Variants in DLGAP2 observed in about 807,000 individuals in gnomAD.
DLGAP2 encodes DLG associated protein 2.
DLGAP2 carries 26 observed loss-of-function variants against 100.3 expected under a neutral mutation model. That is an observed-to-expected ratio of 0.26 (90% CI 0.19 to 0.36). The LOEUF (loss-of-function observed/expected upper bound fraction) is 0.36, where lower values mean the gene tolerates loss of function less well. Among genes scored for constraint, DLGAP2 ranks in the 10% least tolerant of loss-of-function variants. The pLI is 1.00. For synonymous variants in DLGAP2, 886 were observed against 630.1 expected (o/e 1.41, Z -6.08); for missense variants, 1,858 against 1,453.2 (o/e 1.28, Z -4.53).
intron 3 of DLGAP2, among the ~76,000 whole-genome samples, chr8:1,377,088 G>T (rs1179773808): frequency 1.3e-5 from 2 of 152,240 alleles, no homozygotes; most frequent in Non-Finnish European, 2.9e-5. Context: ...TGCCACTTCT[G>T]CAGGGAGCTT....
At chr8:1,253,511 C>A (rs1038203800) in intron 2 of DLGAP2, among the ~76,000 whole-genome samples, 2 of 152,230 alleles carry the variant, frequency 1.3e-5, no homozygotes, top group African/African-American at 4.8e-5. Flanking sequence ...ATAAAATGCT[C>A]TATGAATTTA....
chr8:1,117,733 C>G (rs1014270430), intron 2 of DLGAP2, among the ~76,000 whole-genome samples: 3 of 152,182 alleles, frequency 2.0e-5, no homozygotes, highest in Non-Finnish European at 4.4e-5. Flanking sequence ...GACCAGGACT[C>G]TTTGTAAGAC....
intron 1 of DLGAP2, among the ~76,000 whole-genome samples, chr8:885,890 G>A (rs1335049322): frequency 6.6e-6 from 1 of 152,132 alleles, no homozygotes; most frequent in Non-Finnish European, 1.5e-5. Context: ...TCCTGGTTTT[G>A]GTATCAGAAT....
chr8:1,512,105 C>A (rs1054679316), intron 4 of DLGAP2, among the ~76,000 whole-genome samples: 2 of 152,204 alleles, frequency 1.3e-5, no homozygotes, highest in Admixed American at 6.5e-5. Context: ...TGAGGGCCGA[C>A]GGCCTCCCTA....
intron 2 of DLGAP2, among the ~76,000 whole-genome samples, chr8:1,025,418 A>T (rs941415202): frequency 6.6e-6 from 1 of 152,202 alleles, no homozygotes; most frequent in Admixed American, 6.5e-5. Context: ...ATAAAATAGG[A>T]TTCTTTCCAG....
At chr8:1,163,916 G>T (rs2116656122) in intron 2 of DLGAP2, among the ~76,000 whole-genome samples, 1 of 152,350 alleles carries the variant, frequency 6.6e-6, no homozygotes, top group African/African-American at 2.4e-5. Flanking sequence ...TCCGGCGTCC[G>T]CGGGCCCTGG....
At chr8:1,085,958 T>C (rs1020167714) in intron 2 of DLGAP2, among the ~76,000 whole-genome samples, 2 of 152,226 alleles carry the variant, frequency 1.3e-5, no homozygotes, top group Non-Finnish European at 2.9e-5. Flanking sequence ...TTCTAGTTTT[T>C]AGTTATGGTT....
chr8:1,103,290 C>T (rs938498066), intron 2 of DLGAP2, among the ~76,000 whole-genome samples: 3 of 152,238 alleles, frequency 2.0e-5, no homozygotes, highest in African/African-American at 4.8e-5. Flanking sequence ...CATGCTGAAA[C>T]TTTCAGGGCT....
chr8:1,430,940 G>A (rs1797411850), intron 3 of DLGAP2, among the ~76,000 whole-genome samples: 1 of 152,180 alleles, frequency 6.6e-6, no homozygotes, highest in East Asian at 1.9e-4. Context: ...GACTGTCTCT[G>A]GGGTTCTGGG....
chr8:847,509 CT>C (rs1276898070), intron 1 of DLGAP2, among the ~76,000 whole-genome samples: 2 of 150,340 alleles, frequency 1.3e-5, no homozygotes, highest in East Asian at 1.9e-4. Flanking sequence ...TTTTTCTTTT[CT>C]TTTTTTTTCT....
In DLGAP2 at chr8:1,271,233, A is replaced by T. The variant is rs180846667; in HGVS notation, c.106+12350A>T. Among the ~76,000 whole-genome samples, 4 of 152,318 alleles carry T rather than the reference A, an allele frequency of 2.6e-5. No homozygotes were observed. The East Asian group carries it at 7.7e-4, about 29-fold the overall frequency. ...TAGTGCCAAACAGGCCTTGGTAAAA[A>T]TCCAGCTTTCTCCACCCAGCACTGA... is the stretch of plus-strand genomic sequence containing the variant. On this transcript the variant is annotated intron_variant, in intron 3 of 14. Coordinates refer to ENST00000637795, the MANE Select transcript of DLGAP2 (RefSeq NM_001346810.2).
At chr8:1,260,631 G>GT (rs937448161) in intron 3 of DLGAP2, among the ~76,000 whole-genome samples, 2 of 151,550 alleles carry the variant, frequency 1.3e-5, no homozygotes, top group African/African-American at 2.4e-5. Flanking sequence ...TAAAAGAAGA[G>GT]TTTTTTCCCA....
intron 3 of DLGAP2, among the ~76,000 whole-genome samples, chr8:1,487,503 C>A (rs989190595): frequency 2.0e-5 from 3 of 152,090 alleles, no homozygotes; most frequent in African/African-American, 7.2e-5. Context: ...GAGTTGATTC[C>A]ATTCTGTAGG....
rs1226630851 is a variant in DLGAP2, at chr8:857,721, A to C, written c.19-50191A>C. ...TGGAGCAACGGGAACTCTCATCCTC[A>C]CTGTGGGGAGTGCAAAATGGTGCAG... On this transcript the variant is annotated intron_variant, in intron 1 of 14. Coordinates refer to ENST00000637795, the MANE Select transcript of DLGAP2 (RefSeq NM_001346810.2). Among the ~76,000 whole-genome samples the C allele has an allele frequency of 3.3e-5, 5 of 152,280 alleles. No individual in the cohort carries two copies. In the East Asian group the frequency reaches 9.7e-4, roughly 29 times the overall value.
At chr8:1,346,820 C>T (rs1801570716) in intron 3 of DLGAP2, among the ~76,000 whole-genome samples, 1 of 151,484 alleles carries the variant, frequency 6.6e-6, no homozygotes, top group South Asian at 2.1e-4. Context: ...AGGTTGCGTT[C>T]CCATACAGAG....
chr8:1,515,856 T>A (rs576466140), intron 4 of DLGAP2, among the ~76,000 whole-genome samples: 1 of 152,366 alleles, frequency 6.6e-6, no homozygotes, highest in South Asian at 2.1e-4. Context: ...ACTCTTTAAT[T>A]CCTTTCCCTT....
At chr8:1,039,676 G>T (rs1218510078) in intron 2 of DLGAP2, among the ~76,000 whole-genome samples, 4 of 104,798 alleles carry the variant, frequency 3.8e-5, no homozygotes, top group Non-Finnish European at 5.6e-5. Context: ...TCAGCTCGGT[G>T]TGCGTGGTCA....
At chr8:1,057,494 G>A (rs1440082731) in intron 2 of DLGAP2, among the ~76,000 whole-genome samples, 2 of 152,310 alleles carry the variant, frequency 1.3e-5, no homozygotes, top group South Asian at 4.2e-4. Context: ...GATATAAATG[G>A]CATTGCCTAA....
chr8:1,382,274 C>T (rs1389155713), intron 3 of DLGAP2, among the ~76,000 whole-genome samples: 3 of 152,240 alleles, frequency 2.0e-5, no homozygotes, highest in African/African-American at 7.2e-5. Context: ...TGGATCACCA[C>T]AGAGGCCTTC....
Sources: gnomAD v4.1 joint callset for allele counts (sites outside exome capture counted in the v4.1 genomes callset) on GRCh38, gnomAD v4.1.1 for gene constraint, MANE v1.5 for transcripts, NCBI Gene and HGNC (gene_info 2026-07-23, HGNC 2026-07-21) for gene names.